HMGB1: variants seen among roughly 807,000 people sequenced by gnomAD.
HMGB1 encodes the protein high mobility group box 1, also known as high mobility group protein B1.
For missense variants in HMGB1, 79 were observed against 253.5 expected (o/e 0.31, Z 4.67); for synonymous variants, 81 against 84.0 (o/e 0.96, Z 0.19).
chr13:30,551,973 T>C (rs1869447556), intron 1 of HMGB1, among the ~76,000 whole-genome samples: 1 of 152,096 alleles, frequency 6.6e-6, no homozygotes, highest in South Asian at 2.1e-4. Context: ...GGATTCCAGG[T>C]GTGAGCCACT....
chr13:30,579,324 C>T (rs1016988340), intron 1 of HMGB1, among the ~76,000 whole-genome samples: 1 of 152,168 alleles, frequency 6.6e-6, no homozygotes, highest in Admixed American at 6.5e-5. Context: ...AATCACAGGG[C>T]ACAATTTTTG....
chr13:30,552,444 G>A (rs1318921618), intron 1 of HMGB1, among the ~76,000 whole-genome samples: 1 of 152,098 alleles, frequency 6.6e-6, no homozygotes, highest in Non-Finnish European at 1.5e-5. Flanking sequence ...TCAGTTGGCT[G>A]ACTTCTATTT....
intron 1 of HMGB1, among the ~76,000 whole-genome samples, chr13:30,606,264 C>T (rs919974963): frequency 5.3e-4 from 81 of 152,108 alleles, no homozygotes; most frequent in African/African-American, 1.9e-3. Context: ...TCCCAATTTC[C>T]TTATATCTCT....
chr13:30,463,261 G>T lies in HMGB1; in HGVS notation c.242C>A (p.Pro81His). The change falls in exon 3 of 5, where the codon CCC (proline) becomes CAC (histidine). Residue 81 changes from proline (P) to histidine (H), a missense_variant. Pro to His is a moderately conservative substitution (Grantham distance 77, BLOSUM62 -2). Coordinates refer to ENST00000341423, the MANE Select transcript of HMGB1 (RefSeq NM_002128.7). ...GAACTTCTTTTTTGTCTCCCCTTTG[G>T]GAGGGATATAGGTTTTCATTTCTCT... ...YEREMKTYIP[P>H]KGETKKKFKD... 3.7e-6 allele frequency: 6 copies of T among 1,605,548 alleles called. 1 individual carries two copies. The highest frequency in any genetic ancestry group is 5.1e-6 in the Non-Finnish European group (6 of 1,178,532).
At chr13:30,490,336 T>G (rs1478088243) in intron 1 of HMGB1, among the ~76,000 whole-genome samples, 1 of 152,104 alleles carries the variant, frequency 6.6e-6, no homozygotes, top group Non-Finnish European at 1.5e-5. Context: ...TTTAGGAATT[T>G]GGGCTGGGCG....
chr13:30,475,933 T>C (rs2388548), intron 1 of HMGB1, among the ~76,000 whole-genome samples: 80,561 of 151,834 alleles, frequency 0.53, 21,771 homozygotes, highest in East Asian at 0.8. Flanking sequence ...CACCCAATCA[T>C]ATCACCTCCC....
intron 1 of HMGB1, among the ~76,000 whole-genome samples, chr13:30,561,861 C>T (rs1261248219): frequency 2.0e-5 from 3 of 152,006 alleles, no homozygotes; most frequent in Non-Finnish European, 4.4e-5. Context: ...GAGGAAAATC[C>T]CATCCACAGG....
intron 1 of HMGB1, among the ~76,000 whole-genome samples, chr13:30,474,759 CTTTTTTTTTTT>C (rs549499620): frequency 1.1e-5 from 1 of 92,822 alleles, no homozygotes; most frequent in Non-Finnish European, 2.0e-5. Context: ...TCTCTCTCTC[CTTTTTTTTTTT>C]TTTTTTTTTT....
intron 1 of HMGB1, among the ~76,000 whole-genome samples, chr13:30,478,731 A>G (rs1887155858): frequency 6.6e-6 from 1 of 152,176 alleles, no homozygotes; most frequent in Non-Finnish European, 1.5e-5. Context: ...CATTGGCACA[A>G]TCATAGCTCA....
At chr13:30,599,676 G>A (rs1202293065) in intron 1 of HMGB1, among the ~76,000 whole-genome samples, 1 of 152,034 alleles carries the variant, frequency 6.6e-6, no homozygotes, top group Non-Finnish European at 1.5e-5. Flanking sequence ...GTCTGTTTCT[G>A]GTGTCTCCCC....
At chr13:30,480,078 T>C (rs775486543) in intron 1 of HMGB1, among the ~76,000 whole-genome samples, 1 of 152,186 alleles carries the variant, frequency 6.6e-6, no homozygotes, top group Non-Finnish European at 1.5e-5. Flanking sequence ...TTCCCCCTCC[T>C]CTGCTGCTAA....
intron 1 of HMGB1, among the ~76,000 whole-genome samples, chr13:30,515,940 G>A (rs142620896): frequency 2.0e-5 from 3 of 152,028 alleles, no homozygotes; most frequent in African/African-American, 7.2e-5. Flanking sequence ...CTACTTCCGA[G>A]GTCCTTAGAA....
At chr13:30,600,717 G>T (rs948464244) in intron 1 of HMGB1, among the ~76,000 whole-genome samples, 1 of 152,042 alleles carries the variant, frequency 6.6e-6, no homozygotes, top group African/African-American at 2.4e-5. Flanking sequence ...AGTGATTAGG[G>T]ATACTCAACT....
upstream of HMGB1, among the ~76,000 whole-genome samples, chr13:30,468,819 C>A (rs945303777): frequency 1.3e-5 from 2 of 152,204 alleles, no homozygotes; most frequent in African/African-American, 4.8e-5. Flanking sequence ...TGATATTAGA[C>A]GCTTTTCTTC....
At chr13:30,543,947 C>T (rs1350172840) in intron 1 of HMGB1, among the ~76,000 whole-genome samples, 2 of 152,200 alleles carry the variant, frequency 1.3e-5, no homozygotes, top group Non-Finnish European at 2.9e-5. Flanking sequence ...ATCCTTAAAG[C>T]AACTCTGCTT....
chr13:30,574,985 G>T (rs1213216537), intron 1 of HMGB1, among the ~76,000 whole-genome samples: 1 of 152,154 alleles, frequency 6.6e-6, no homozygotes, highest in Non-Finnish European at 1.5e-5. Flanking sequence ...AGATGTGTCT[G>T]TTGGGGAATC....
chr13:30,555,427 C>T (rs537569000), intron 1 of HMGB1, among the ~76,000 whole-genome samples: 255 of 152,110 alleles, frequency 1.7e-3, no homozygotes, highest in African/African-American at 5.7e-3. Flanking sequence ...TACTGCCATT[C>T]CTACTGTATT....
intron 1 of HMGB1, among the ~76,000 whole-genome samples, chr13:30,547,474 A>G (rs1420886734): frequency 6.6e-6 from 1 of 152,204 alleles, no homozygotes; most frequent in East Asian, 1.9e-4. Context: ...AGCCCATTCC[A>G]TAGATGCTAA....
intron 1 of HMGB1, among the ~76,000 whole-genome samples, chr13:30,608,913 T>C (rs998738451): frequency 2.0e-5 from 3 of 152,230 alleles, no homozygotes; most frequent in Non-Finnish European, 4.4e-5. Flanking sequence ...GTTTATAGTA[T>C]ATTTGAGGTT....
Sources: allele counts gnomAD v4.1 joint callset (sites outside exome capture counted in the v4.1 genomes callset), GRCh38; gene constraint gnomAD v4.1.1; transcripts MANE v1.5; gene names NCBI Gene and HGNC (gene_info 2026-07-23, HGNC 2026-07-21).